The following HYDIN variants were observed in gnomAD, a reference collection of about 807,000 sequenced individuals.
HYDIN encodes the protein axonemal central pair apparatus protein HYDIN.
A neutral mutation model predicts 403.9 loss-of-function variants in HYDIN; 132 were observed. The ratio of observed to expected loss-of-function variants is 0.33; its 90% CI spans 0.28 to 0.38. The LOEUF is 0.38. Ranked by LOEUF, HYDIN falls within the 10% of genes least tolerant of loss-of-function variation. The pLI, the probability that HYDIN is intolerant of heterozygous loss-of-function variation, is 1.00. For synonymous variants in HYDIN, 1,202 were observed against 1,891.7 expected (o/e 0.64, Z 9.46); for missense variants, 2,827 against 5,009.5 (o/e 0.56, Z 13.15).
At chr16:70,984,921 C>T (rs1315199871) in intron 28 of HYDIN, 4 of 360,828 alleles carry the variant, frequency 1.1e-5, no homozygotes, top group South Asian at 4.2e-5. Flanking sequence ...GTCTCATTAT[C>T]ATGGAAAAAA....
intron 45 of HYDIN, among the ~76,000 whole-genome samples, chr16:70,925,066 T>C (rs555194998): frequency 7.9e-5 from 12 of 152,256 alleles, no homozygotes; most frequent in African/African-American, 1.4e-4. Context: ...TCAGTCCTGA[T>C]TGAGTCAAGG....
chr16:71,030,524 T>C (rs2080869465), intron 19 of HYDIN, among the ~76,000 whole-genome samples: 2 of 151,360 alleles, frequency 1.3e-5, no homozygotes, highest in African/African-American at 4.9e-5. Flanking sequence ...CCTCTGCCTC[T>C]TGGGCTCAAG....
intron 1 of HYDIN, among the ~76,000 whole-genome samples, chr16:71,208,608 A>G (rs1023026962): frequency 6.6e-6 from 1 of 152,170 alleles, no homozygotes; most frequent in Non-Finnish European, 1.5e-5. Flanking sequence ...ATATCAACAA[A>G]TCCAGAGGTT....
intron 7 of HYDIN, among the ~76,000 whole-genome samples, chr16:71,139,489 A>T (rs2085083136): frequency 6.6e-6 from 1 of 152,208 alleles, no homozygotes; most frequent in Admixed American, 6.5e-5. Flanking sequence ...CTATGTTTAA[A>T]GAAACAAATG....
rs368817424 is a variant in HYDIN, at chr16:70,943,796, G to A, written c.6669+16C>T. ...ATGCCAAGCCCTGCAGCTCTGTGCA[G>A]GTGGCATGGACCCACCTGTATCCGC... On this transcript the variant is annotated intron_variant, in intron 42 of 85. Transcript: ENST00000393567. 1.4e-5 allele frequency: 22 copies of A among 1,609,818 alleles called. No individual in the cohort carries two copies. The African/African-American group carries it at 2.7e-4, about 20-fold the overall frequency.
At chr16:70,950,516 C>G (rs866308492) in intron 41 of HYDIN, among the ~76,000 whole-genome samples, 9 of 151,816 alleles carry the variant, frequency 5.9e-5, no homozygotes, top group South Asian at 4.2e-4. Flanking sequence ...CCTCAGCCTC[C>G]CGAAGTGCTG....
chr16:70,964,531 T>A (rs971361181), intron 37 of HYDIN, among the ~76,000 whole-genome samples, 197 bp downstream of exon 37: 2 of 151,326 alleles, frequency 1.3e-5, no homozygotes, highest in Non-Finnish European at 3.0e-5. Context: ...GACAGCAGAA[T>A]GTGTTCCAGC....
At chr16:71,139,789 CAGA>C (rs779074510) in intron 7 of HYDIN, among the ~76,000 whole-genome samples, 1 of 151,860 alleles carries the variant, frequency 6.6e-6, no homozygotes, top group Non-Finnish European at 1.5e-5. Flanking sequence ...TGGAAACTCT[CAGA>C]AGGAGAGGAA....
chr16:71,144,132 T>C (rs1479942821), intron 7 of HYDIN, among the ~76,000 whole-genome samples: 1 of 152,174 alleles, frequency 6.6e-6, no homozygotes, highest in African/African-American at 2.4e-5. Flanking sequence ...CCTACACTAC[T>C]ATTTCTGGTA....
In HYDIN at chr16:70,872,022, A is replaced by C; in HGVS notation, c.11091+15T>G. The stretch of plus-strand genomic sequence containing the variant: ...ACTAAGGGATTCCAAAAAATGATGA[A>C]TGACTTTTATTTACCTGTGGGGAGA... On this transcript the variant is annotated intron_variant, in intron 65 of 85. Coordinates refer to ENST00000393567, the MANE Select transcript of HYDIN (RefSeq NM_001270974.2). 2 of 1,608,934 alleles carry C rather than the reference A, an allele frequency of 1.2e-6. No homozygotes were observed. The highest frequency in any genetic ancestry group is 1.7e-6 in the Non-Finnish European group (2 of 1,177,478).
intron 83 of HYDIN, among the ~76,000 whole-genome samples, chr16:70,820,213 T>C (rs1597037848): frequency 7.7e-6 from 1 of 129,098 alleles, no homozygotes; most frequent in Non-Finnish European, 1.6e-5. Flanking sequence ...TTTTTTGAGA[T>C]GGAGTCTCGC....
At chr16:70,858,697 A>G (rs2039186140) in intron 71 of HYDIN, among the ~76,000 whole-genome samples, 1 of 152,140 alleles carries the variant, frequency 6.6e-6, no homozygotes, top group Non-Finnish European at 1.5e-5. Context: ...TGTCACCTCA[A>G]TGATATGACT....
At position 70,807,672 on chromosome 16, in the gene HYDIN, T is replaced by C; in HGVS notation, c.15274A>G (p.Ile5092Val). ...CAGCTCACAGTCAGCTTGGTGGTGA[T>C]GGGGGTTTTGCTGCCAGATGGGTTT... ...EGNPSGSKTP[I>V]TTKLTVSCPP... is the part of the protein sequence containing the mutation. Residue 5092 changes from isoleucine (I) to valine (V), a missense_variant, in exon 86 of 86, where the codon ATC becomes GTC. Physicochemically the swap from Ile to Val is conservative, Grantham distance 29 (BLOSUM62 3). Transcript: ENST00000393567. The C allele has an allele frequency of 1.2e-6, 2 of 1,614,126 alleles. No individual in the cohort carries two copies. Among genetic ancestry groups the C allele is most frequent in the Admixed American group, 1.7e-5 (1 of 60,024 alleles).
chr16:71,207,259 T>C (rs1424824612), intron 1 of HYDIN, among the ~76,000 whole-genome samples: 1 of 152,196 alleles, frequency 6.6e-6, no homozygotes, highest in Non-Finnish European at 1.5e-5. Context: ...CAGAAGAGAT[T>C]GGGGGTCTAT....
chr16:70,929,162 T>C (rs535003622), intron 45 of HYDIN, among the ~76,000 whole-genome samples: 139 of 139,880 alleles, frequency 9.9e-4, no homozygotes, highest in Middle Eastern at 3.5e-3. Flanking sequence ...TGGTGGTGCA[T>C]GCCTGTAATC....
At chr16:71,159,812 A>T (rs1264668723) in intron 6 of HYDIN, among the ~76,000 whole-genome samples, 1 of 152,162 alleles carries the variant, frequency 6.6e-6, no homozygotes, top group Non-Finnish European at 1.5e-5. Flanking sequence ...AGAATTCTAT[A>T]TGGTGAAAAA....
intron 52 of HYDIN, among the ~76,000 whole-genome samples, chr16:70,901,431 G>A (rs1000612789): frequency 6.6e-6 from 1 of 150,944 alleles, no homozygotes; most frequent in African/African-American, 2.4e-5. Flanking sequence ...CCACCCGCAA[G>A]CATCCTCAAG....
rs775776030 is a variant in HYDIN, at chr16:70,879,628, C to T, written c.10344G>A (p.Glu3448=). The T allele has an allele frequency of 6.2e-7, 1 of 1,612,532 alleles. No individual in the cohort carries two copies. The highest frequency in any genetic ancestry group is 8.5e-7 in the Non-Finnish European group (1 of 1,179,834). Reference sequence around the variant, plus strand: ...ACCTGGGCAAGCCATCCAAGGTAGCCTCAAAGATGCACTGGTAGTTCTGCA... The same window carrying T: ...ACCTGGGCAAGCCATCCAAGGTAGCTTCAAAGATGCACTGGTAGTTCTGCA... ...QIMQNYQCIF[E]ATLDGLPSTL... The change falls in exon 61 of 86, where the codon GAG becomes GAA. Residue 3448 remains glutamate (E), a synonymous_variant. Transcript: ENST00000393567.
At chr16:70,840,576 G>A (rs2037748838) in intron 75 of HYDIN, among the ~76,000 whole-genome samples, 1 of 152,208 alleles carries the variant, frequency 6.6e-6, no homozygotes, top group Non-Finnish European at 1.5e-5. Context: ...AGGTGCAAAT[G>A]CTTCATTTTA....
Sources: gnomAD v4.1 joint callset for allele counts (sites outside exome capture counted in the v4.1 genomes callset) on GRCh38, gnomAD v4.1.1 for gene constraint, MANE v1.5 for transcripts, NCBI Gene and HGNC (gene_info 2026-07-23, HGNC 2026-07-21) for gene names.